Variants in FSD1L observed in about 807,000 individuals in gnomAD.
The protein encoded by FSD1L is FSD1-like protein.
In FSD1L, 45 loss-of-function variants were observed where a neutral mutation model predicts 71.6. That is an observed-to-expected ratio of 0.63 (90% CI 0.49 to 0.81). The LOEUF is 0.81. FSD1L is among the 30% of genes least tolerant of loss of function. FSD1L has a pLI of 0.00. For synonymous variants in FSD1L, 197 were observed against 207.2 expected (o/e 0.95, Z 0.42); for missense variants, 561 against 618.1 (o/e 0.91, Z 0.98).
At chr9:105,460,487 G>A (rs1830619226) in intron 1 of FSD1L, among the ~76,000 whole-genome samples, 1 of 151,392 alleles carries the variant, frequency 6.6e-6, no homozygotes, top group Non-Finnish European at 1.5e-5. Context: ...AGCTACTCGA[G>A]AGGCTGAGGC....
rs189891033 is a variant in FSD1L, at chr9:105,529,231, T to G, written c.1026-5262T>G. On this transcript the variant is annotated intron_variant, in intron 10 of 13. Coordinates refer to ENST00000481272, the MANE Select transcript of FSD1L (RefSeq NM_001145313.3). ...ACAGTGTGGCGATTCCTCAAGGATC[T>G]AGAACTAGAAATATCATTTGACCCA... 2.0e-5 allele frequency among the ~76,000 whole-genome samples: 3 copies of G among 152,344 alleles called. No individual in the cohort carries two copies. In the East Asian group the frequency reaches 5.8e-4, roughly 29 times the overall value.
Position 105,531,866 on chromosome 9 carries a change from G to A in FSD1L, c.1026-2627G>A, listed in dbSNP as rs114850839. On this transcript the variant is annotated intron_variant, in intron 10 of 13. Coordinates refer to ENST00000481272, the MANE Select transcript of FSD1L (RefSeq NM_001145313.3). ...GCTTTTTTGTTATAATTTATATACC[G>A]TGTTGAAACAATTTTACTTTCGCCC... is the stretch of plus-strand genomic sequence containing the variant. Among the ~76,000 whole-genome samples, 1,398 of 152,244 alleles carry A rather than the reference G, an allele frequency of 9.2e-3. 22 individuals carry two copies. Among genetic ancestry groups the A allele is most frequent in the African/African-American group, 0.032 (1,343 of 41,550 alleles).
chr9:105,502,825 A>T (rs1183222881), intron 7 of FSD1L, among the ~76,000 whole-genome samples: 5 of 145,878 alleles, frequency 3.4e-5, no homozygotes, highest in Admixed American at 1.4e-4. Flanking sequence ...AGGTATGATT[A>T]AAAAAAAAAA....
At chr9:105,536,530 A>T (rs1381395505) in intron 12 of FSD1L, among the ~76,000 whole-genome samples, 1 of 152,144 alleles carries the variant, frequency 6.6e-6, no homozygotes, top group Non-Finnish European at 1.5e-5. Context: ...CTGCTGATCA[A>T]TATTGAGCTT....
At chr9:105,456,007 G>A (rs1230179976) in intron 1 of FSD1L, among the ~76,000 whole-genome samples, 1 of 152,184 alleles carries the variant, frequency 6.6e-6, no homozygotes, top group Non-Finnish European at 1.5e-5. Flanking sequence ...CCATATGTCA[G>A]CATTTCTCTA....
intron 13 of FSD1L, among the ~76,000 whole-genome samples, chr9:105,545,000 C>A (rs988282810): frequency 6.6e-6 from 1 of 152,158 alleles, no homozygotes; most frequent in African/African-American, 2.4e-5. Context: ...GGCATTAAAT[C>A]TATAAATTAC....
In FSD1L at chr9:105,523,152, G is replaced by T. The variant is rs1835290323; in HGVS notation, c.1025+10216G>T. On this transcript the variant is annotated intron_variant, in intron 10 of 13. Transcript: ENST00000481272. ...TCTAACTACTCTTCATATAGATTCT[G>T]AAACAAGCAGTCTTAATCAGCAAGC... 36 of 1,613,944 alleles carry T rather than the reference G, an allele frequency of 2.2e-5. No individual in the cohort carries two copies. The South Asian group carries it at 3.7e-4, about 17-fold the overall frequency.
At chr9:105,489,483 T>A (rs1327523854) in intron 7 of FSD1L, among the ~76,000 whole-genome samples, 1 of 152,104 alleles carries the variant, frequency 6.6e-6, no homozygotes, top group Non-Finnish European at 1.5e-5. Flanking sequence ...CCTGCTGAAT[T>A]CTTTGCAGTT....
intron 6 of FSD1L, among the ~76,000 whole-genome samples, chr9:105,483,600 A>T (rs745513719): frequency 6.6e-5 from 10 of 152,168 alleles, no homozygotes; most frequent in Admixed American, 1.3e-4. Flanking sequence ...GAATAAGAGG[A>T]TTTCTTTTAA....
chr9:105,514,783 C>T (rs1330974829), intron 10 of FSD1L, among the ~76,000 whole-genome samples: 1 of 152,166 alleles, frequency 6.6e-6, no homozygotes, highest in Non-Finnish European at 1.5e-5. Flanking sequence ...CAACACAGAT[C>T]ACAAGTAGTG....
intron 7 of FSD1L, among the ~76,000 whole-genome samples, chr9:105,485,936 C>CT (rs796495548): frequency 1.0e-4 from 15 of 148,672 alleles, no homozygotes; most frequent in Non-Finnish European, 7.5e-5. Context: ...AGCACAAGTA[C>CT]TTTTTTTTTT....
chr9:105,519,809 T>TGTGGCGGCGA (rs1834995851), intron 10 of FSD1L, among the ~76,000 whole-genome samples: 1 of 151,932 alleles, frequency 6.6e-6, no homozygotes, highest in African/African-American at 2.4e-5. Flanking sequence ...GGCCCCGGCC[T>TGTGGCGGCGA]GTGGCGGCGA....
chr9:105,476,366 A>G (rs185180924), intron 5 of FSD1L, among the ~76,000 whole-genome samples: 2 of 152,202 alleles, frequency 1.3e-5, no homozygotes, highest in East Asian at 3.9e-4. Context: ...TTCTTTAATC[A>G]GTCATAGAAG....
intron 10 of FSD1L, chr9:105,520,904 CAT>C (rs1835106694): frequency 6.2e-7 from 1 of 1,612,028 alleles, no homozygotes; most frequent in Non-Finnish European, 8.5e-7. Context: ...TTCTAAAATA[CAT>C]AGTCATTCAG....
In FSD1L at chr9:105,525,164, C is replaced by T; in HGVS notation, c.1026-9329C>T. 4 of 1,580,120 alleles carry T rather than the reference C, an allele frequency of 2.5e-6. No homozygotes were observed. The South Asian group carries it at 4.8e-5, about 19-fold the overall frequency. ...GCTTTCATTGTCTCACCAAGAGAAG[C>T]CAGAAGAGCCTCCGACATCTAATGA... On this transcript the variant is annotated intron_variant, in intron 10 of 13. Transcript: ENST00000481272.
At chr9:105,535,733 T>G (rs1836224194) in intron 12 of FSD1L, among the ~76,000 whole-genome samples, 1 of 152,144 alleles carries the variant, frequency 6.6e-6, no homozygotes, top group African/African-American at 2.4e-5. Context: ...ACACATTGCA[T>G]GCCTATATGA....
intron 3 of FSD1L, among the ~76,000 whole-genome samples, chr9:105,467,835 G>T (rs1831177609): frequency 6.6e-6 from 1 of 152,164 alleles, no homozygotes; most frequent in Admixed American, 6.5e-5. Flanking sequence ...CGCACCAGAG[G>T]TTAAGAACCA....
At chr9:105,527,833 T>C (rs1044528436) in intron 10 of FSD1L, among the ~76,000 whole-genome samples, 2 of 152,076 alleles carry the variant, frequency 1.3e-5, no homozygotes, top group African/African-American at 4.8e-5. Context: ...CGTATTCAAA[T>C]AGGAAGAGAG....
chr9:105,487,762 C>A (rs1334258502), intron 7 of FSD1L, among the ~76,000 whole-genome samples: 1 of 151,994 alleles, frequency 6.6e-6, no homozygotes, highest in Non-Finnish European at 1.5e-5. Flanking sequence ...TCACAATTTT[C>A]TTTTGTGACT....
Sources: gnomAD v4.1 joint callset for allele counts (sites outside exome capture counted in the v4.1 genomes callset) on GRCh38, gnomAD v4.1.1 for gene constraint, MANE v1.5 for transcripts, NCBI Gene and HGNC (gene_info 2026-07-23, HGNC 2026-07-21) for gene names.